CNTN1: variants seen among roughly 807,000 people sequenced by gnomAD.
CNTN1 encodes the protein contactin-1.
A neutral mutation model predicts 126.4 loss-of-function variants in CNTN1; 38 were observed. The observed-to-expected ratio is 0.30, with a 90% CI of 0.23 to 0.39. The LOEUF is 0.39. CNTN1 is among the 10% of genes least tolerant of loss of function. The pLI is 1.00. For missense variants in CNTN1, 1,009 were observed against 1,248.4 expected (o/e 0.81, Z 2.89); for synonymous variants, 413 against 422.6 (o/e 0.98, Z 0.28).
intron 1 of CNTN1, among the ~76,000 whole-genome samples, chr12:40,890,026 T>C (rs892442423): frequency 6.6e-6 from 1 of 152,180 alleles, no homozygotes; most frequent in African/African-American, 2.4e-5. Flanking sequence ...TAATACTATA[T>C]GGATATTATC....
chr12:40,795,386 G>A (rs1441283613), intron 1 of CNTN1, among the ~76,000 whole-genome samples: 1 of 144,476 alleles, frequency 6.9e-6, no homozygotes, highest in Non-Finnish European at 1.5e-5. Context: ...GTGCGATTTT[G>A]GCTCACTGCG....
chr12:40,760,681 T>C (rs562600814), intron 1 of CNTN1, among the ~76,000 whole-genome samples: 2 of 152,286 alleles, frequency 1.3e-5, no homozygotes, highest in East Asian at 3.9e-4. Context: ...ACCCAAAATA[T>C]TTACATGGTT....
intron 1 of CNTN1, among the ~76,000 whole-genome samples, chr12:40,837,326 G>A (rs942584112): frequency 6.6e-6 from 1 of 152,050 alleles, no homozygotes; most frequent in Admixed American, 6.5e-5. Context: ...AGAAGGGAGA[G>A]AGAGACAGTC....
At chr12:40,769,430 T>C (rs1939249330) in intron 1 of CNTN1, among the ~76,000 whole-genome samples, 1 of 152,170 alleles carries the variant, frequency 6.6e-6, no homozygotes, top group African/African-American at 2.4e-5. Flanking sequence ...GCATCTTGTG[T>C]TTGCCCATGG....
chr12:40,846,140 A>G (rs890083734), intron 1 of CNTN1, among the ~76,000 whole-genome samples: 4 of 152,170 alleles, frequency 2.6e-5, no homozygotes, highest in African/African-American at 9.6e-5. Context: ...TACAAAAAGG[A>G]CAGAGCAAAT....
At chr12:41,019,276 C>T (rs748378266) in intron 19 of CNTN1, among the ~76,000 whole-genome samples, 1 of 152,216 alleles carries the variant, frequency 6.6e-6, no homozygotes, top group Non-Finnish European at 1.5e-5. Context: ...TACCTTCTCA[C>T]CTTTTTACTG....
chr12:41,044,686 G>A lies in CNTN1; in HGVS notation c.2980+15467G>A, dbSNP rs189188716. Reference sequence around the variant, plus strand: ...AACTAAAATTGGAATCTAGCATGAGGAGGAACTCCCATATATAGTGAGTGC... The same window carrying A: ...AACTAAAATTGGAATCTAGCATGAGAAGGAACTCCCATATATAGTGAGTGC... On this transcript the variant is annotated intron_variant, in intron 23 of 23. Transcript: ENST00000551295. Among the ~76,000 whole-genome samples, 52 of 152,120 alleles carry A rather than the reference G, an allele frequency of 3.4e-4. No homozygotes were observed. In the East Asian group the frequency reaches 9.1e-3, roughly 27 times the overall value.
chr12:40,802,813 T>C (rs1940707437), intron 1 of CNTN1, among the ~76,000 whole-genome samples: 1 of 152,010 alleles, frequency 6.6e-6, no homozygotes, highest in South Asian at 2.1e-4. Flanking sequence ...ATTATCATTC[T>C]TGGCACTCCT....
At chr12:41,054,433 C>T (rs1949757636) in intron 23 of CNTN1, among the ~76,000 whole-genome samples, 1 of 151,892 alleles carries the variant, frequency 6.6e-6, no homozygotes, top group Non-Finnish European at 1.5e-5. Flanking sequence ...TAGTTATACA[C>T]AAGATGAAAA....
intron 1 of CNTN1, among the ~76,000 whole-genome samples, chr12:40,861,329 A>G (rs1230238985): frequency 2.0e-5 from 3 of 152,018 alleles, no homozygotes; most frequent in African/African-American, 4.8e-5. Flanking sequence ...TCCTTAGGGA[A>G]CTCTGATTAA....
chr12:41,028,213 G>GT (rs1346723218), intron 22 of CNTN1, among the ~76,000 whole-genome samples: 2 of 151,984 alleles, frequency 1.3e-5, no homozygotes, highest in Admixed American at 1.3e-4. Context: ...TGTATTTTTA[G>GT]TAGAGACAGG....
chr12:40,980,759 T>C, intron 15 of CNTN1, 150 bp from the exon 16 acceptor site: 1 of 745,644 alleles, frequency 1.3e-6, no homozygotes, highest in Non-Finnish European at 2.3e-6. Context: ...TATCACTTCT[T>C]ATAATCTATA....
At chr12:40,879,435 T>C (rs74405314) in intron 1 of CNTN1, among the ~76,000 whole-genome samples, 2,646 of 152,224 alleles carry the variant, frequency 0.017, 45 homozygotes, top group Non-Finnish European at 0.023. Context: ...ATACCAGACA[T>C]AAAATTCCCC....
intron 1 of CNTN1, among the ~76,000 whole-genome samples, chr12:40,769,307 G>A (rs1223996181): frequency 6.6e-6 from 1 of 152,100 alleles, no homozygotes; most frequent in Non-Finnish European, 1.5e-5. Context: ...TTATTAGTGG[G>A]AGGGGAAGAA....
chr12:40,788,306 C>T (rs762401320), intron 1 of CNTN1, among the ~76,000 whole-genome samples: 17 of 152,140 alleles, frequency 1.1e-4, no homozygotes, highest in Admixed American at 4.6e-4. Flanking sequence ...GCTACTGAAA[C>T]GGATTCCTCA....
intron 1 of CNTN1, among the ~76,000 whole-genome samples, chr12:40,863,495 C>T (rs1592173533): frequency 6.6e-6 from 1 of 152,146 alleles, no homozygotes; most frequent in Non-Finnish European, 1.5e-5. Flanking sequence ...TATCCTATCT[C>T]TTAATTTATG....
intron 1 of CNTN1, among the ~76,000 whole-genome samples, chr12:40,717,102 G>T (rs947471230): frequency 1.3e-5 from 2 of 152,098 alleles, no homozygotes; most frequent in Non-Finnish European, 2.9e-5. Flanking sequence ...TATAAGAAAG[G>T]CTCAGAAAAG....
At chr12:40,759,618 A>G (rs1189628125) in intron 1 of CNTN1, among the ~76,000 whole-genome samples, 1 of 151,660 alleles carries the variant, frequency 6.6e-6, no homozygotes, top group Non-Finnish European at 1.5e-5. Flanking sequence ...GGCACCCACC[A>G]TCATACCTGG....
intron 1 of CNTN1, among the ~76,000 whole-genome samples, chr12:40,805,794 T>G (rs1182068589): frequency 6.6e-6 from 1 of 152,078 alleles, no homozygotes; most frequent in East Asian, 1.9e-4. Flanking sequence ...TATTTATACC[T>G]GAAAATGAGC....
Sources: allele counts gnomAD v4.1 joint callset (sites outside exome capture counted in the v4.1 genomes callset), GRCh38; gene constraint gnomAD v4.1.1; transcripts MANE v1.5; gene names NCBI Gene and HGNC (gene_info 2026-07-23, HGNC 2026-07-21).